The following TCF20 variants were observed in gnomAD, a reference collection of about 807,000 sequenced individuals.
The protein encoded by TCF20 is transcription factor 20.
A neutral mutation model predicts 148.6 loss-of-function variants in TCF20; 3 were observed. The ratio of observed to expected loss-of-function variants is 0.02; its 90% CI spans 0.01 to 0.05. The LOEUF (loss-of-function observed/expected upper bound fraction) is 0.05, where lower values mean the gene tolerates loss of function less well. TCF20 is among the 10% of genes least tolerant of loss of function. The pLI is 1.00. For missense variants in TCF20, 2,350 were observed against 2,429.3 expected, an observed-to-expected ratio of 0.97 and a Z score of 0.69; for synonymous variants, 1,049 against 909.5, an observed-to-expected ratio of 1.15 and a Z score of -2.76.
chr22:42,162,862 A>C (rs1220424683), intron 5 of TCF20, among the ~76,000 whole-genome samples: 4 of 152,208 alleles, frequency 2.6e-5, no homozygotes, highest in African/African-American at 9.6e-5. Flanking sequence ...CTCTTGCCCA[A>C]GGAGGTTCCT....
chr22:42,186,877 A>G, intron 2 of TCF20, among the ~76,000 whole-genome samples: 1 of 152,248 alleles, frequency 6.6e-6, no homozygotes, highest in East Asian at 1.9e-4. Flanking sequence ...ACTGCATACA[A>G]ATTAAATTCT....
rs766825008 is a variant in TCF20, at chr22:42,211,997, ACCG to A, written c.3306_3308del (p.Gly1103del). ...CTGCAGCAATTACTCCCTGAGCAGA[ACCG>A]CTGCTCCAGTCTTTATACTCCTCTG... On this transcript the variant is annotated inframe_deletion, in exon 2 of 6. Transcript: ENST00000677622. The A allele has an allele frequency of 1.8e-5, 29 of 1,613,994 alleles. No individual in the cohort carries two copies. In the Middle Eastern group the frequency reaches 4.9e-4, roughly 27 times the overall value.
chr22:42,283,322 A>AC (rs1347225639), intron 1 of TCF20, among the ~76,000 whole-genome samples: 3 of 140,576 alleles, frequency 2.1e-5, no homozygotes, highest in Non-Finnish European at 4.7e-5. Flanking sequence ...GCCAGCCCCA[A>AC]CCCCCCGCCG....
chr22:42,210,710 T>C lies in TCF20; in HGVS notation c.4596A>G (p.Gly1532=), dbSNP rs1490343589. The C allele has an allele frequency of 6.2e-7, 1 of 1,614,234 alleles. No individual in the cohort carries two copies. Residue 1532 remains glycine, a synonymous_variant, in exon 2 of 6, where the codon GGA becomes GGG. Coordinates refer to ENST00000677622, the MANE Select transcript of TCF20 (RefSeq NM_001378418.1). This position sits in a 1 kb window ranked among gnomAD's most constrained non-coding sequence, Gnocchi z 4.7. ...SPKQEGFPPK[G]YFPSGKKKGR... Reference sequence around the variant, plus strand: ...CCTTCTTCTTTCCTGATGGGAAATATCCCTTTGGAGGGAAACCCTCTTGCT... The same window carrying C: ...CCTTCTTCTTTCCTGATGGGAAATACCCCTTTGGAGGGAAACCCTCTTGCT...
At chr22:42,236,931 C>T (rs1338428857) in intron 1 of TCF20, among the ~76,000 whole-genome samples, 1 of 152,150 alleles carries the variant, frequency 6.6e-6, no homozygotes, top group Non-Finnish European at 1.5e-5. Context: ...TAACAATCAT[C>T]TGAGCCTTCA....
intron 2 of TCF20, among the ~76,000 whole-genome samples, chr22:42,189,875 C>A (rs1937242366): frequency 6.6e-6 from 1 of 152,268 alleles, no homozygotes; most frequent in South Asian, 2.1e-4. Flanking sequence ...CAAATTTAGG[C>A]AGTCTAAAAA....
chr22:42,312,280 C>T (rs1221770086), intron 1 of TCF20, among the ~76,000 whole-genome samples: 1 of 152,142 alleles, frequency 6.6e-6, no homozygotes, highest in Non-Finnish European at 1.5e-5. Context: ...GTCAGCGGGC[C>T]ACCTGCCTGG....
chr22:42,312,132 C>G (rs1044406837), intron 1 of TCF20, among the ~76,000 whole-genome samples: 1 of 152,164 alleles, frequency 6.6e-6, no homozygotes, highest in African/African-American at 2.4e-5. Flanking sequence ...CAACATTACA[C>G]CAGGTGCAGG....
chr22:42,210,548 T>A lies in TCF20; in HGVS notation c.4758A>T (p.Arg1586Ser). The change falls in exon 2 of 6, where the codon AGA becomes AGT. Residue 1586 changes from arginine (R) to serine (S), a missense_variant. By Grantham distance (110) the Arg-to-Ser change is moderately radical. Around this residue, in one of 7 missense-constraint regions of TCF20, gnomAD observed 374 missense variants for 398.3 expected, o/e 0.94. Transcript: ENST00000677622. The surrounding 1 kb of genome is among the most constrained non-coding windows in gnomAD (Gnocchi z 4.7). ...TCCTCGGCTGGGCCCCAGGCTTCCT[T>A]CTCTCCCTCCTTTGCCTCTGTTTTT... ...KPKKQRQRRE[R>S]RKPGAQPRKR... The A allele has an allele frequency of 6.2e-7, 1 of 1,614,174 alleles. No individual in the cohort carries two copies. The highest frequency in any genetic ancestry group is 8.5e-7 in the Non-Finnish European group (1 of 1,180,038).
chr22:42,168,521 G>A (rs1332216789), intron 5 of TCF20, 88 bp downstream of exon 5: 1 of 1,495,114 alleles, frequency 6.7e-7, no homozygotes. Flanking sequence ...AATGCTGGTG[G>A]CAGAGCATAG....
chr22:42,210,344 T>G lies in TCF20; in HGVS notation c.4962A>C (p.Glu1654Asp). 1 of 1,614,220 alleles carries G rather than the reference T, an allele frequency of 6.2e-7. No individual in the cohort carries two copies. Among genetic ancestry groups the G allele is most frequent in the South Asian group, 1.1e-5 (1 of 91,090 alleles). ...GAVCTIINAE[E>D]EEQTKLVRGR... Reference sequence around the variant, plus strand: ...CCCTCACTAATTTGGTCTGTTCTTCTTCCTCAGCATTGATGATTGTACAAA... The same window carrying G: ...CCCTCACTAATTTGGTCTGTTCTTCGTCCTCAGCATTGATGATTGTACAAA... The change falls in exon 2 of 6, where the codon GAA (glutamate) becomes GAC (aspartate). Residue 1654 changes from glutamate to aspartate, a missense_variant. Physicochemically the swap from Glu to Asp is conservative, Grantham distance 45. Transcript: ENST00000677622. This position sits in a 1 kb window ranked among gnomAD's most constrained non-coding sequence, Gnocchi z 4.7.
chr22:42,242,087 C>T (rs1432594132), intron 1 of TCF20, among the ~76,000 whole-genome samples: 2 of 150,930 alleles, frequency 1.3e-5, no homozygotes, highest in Admixed American at 6.6e-5. Context: ...CTGTAAGTCC[C>T]AGCTACTCGG....
chr22:42,243,670 T>G (rs1924665289), intron 1 of TCF20, among the ~76,000 whole-genome samples: 1 of 152,090 alleles, frequency 6.6e-6, no homozygotes, highest in Non-Finnish European at 1.5e-5. Flanking sequence ...ATACTGTATA[T>G]CAAGTGTAGC....
chr22:42,223,389 G>A (rs1017014767), intron 1 of TCF20, among the ~76,000 whole-genome samples: 6 of 152,114 alleles, frequency 3.9e-5, no homozygotes, highest in African/African-American at 1.2e-4. Flanking sequence ...ATTAGGCAAG[G>A]AAGATCCAAA....
chr22:42,183,576 TAA>T (rs1936886860), intron 2 of TCF20, among the ~76,000 whole-genome samples: 1 of 152,160 alleles, frequency 6.6e-6, no homozygotes, highest in African/African-American at 2.4e-5. Flanking sequence ...TGTTCTCCCC[TAA>T]GACTCTGGAC....
intron 1 of TCF20, among the ~76,000 whole-genome samples, chr22:42,269,165 G>A (rs1926453137): frequency 6.6e-6 from 1 of 152,130 alleles, no homozygotes; most frequent in African/African-American, 2.4e-5. Flanking sequence ...GGAAGATGCT[G>A]TATAAAACTC....
chr22:42,201,302 A>G (rs58669883), intron 2 of TCF20, among the ~76,000 whole-genome samples: 475 of 152,296 alleles, frequency 3.1e-3, no homozygotes, highest in African/African-American at 0.011. Flanking sequence ...ACGGACTAAT[A>G]CAAGCCCTCT....
At chr22:42,318,495 A>G (rs1188760578) in intron 1 of TCF20, among the ~76,000 whole-genome samples, 1 of 152,174 alleles carries the variant, frequency 6.6e-6, no homozygotes, top group Non-Finnish European at 1.5e-5. Flanking sequence ...GGGGGATGGC[A>G]GGGAGGAGAG....
At chr22:42,179,513 A>T (rs1330606297) in intron 3 of TCF20, 96 bp downstream of exon 3, 1 of 770,282 alleles carries the variant, frequency 1.3e-6, no homozygotes, top group Non-Finnish European at 2.0e-6. Context: ...AAAAAAAAAG[A>T]AAAGAAAAGA....
Sources: allele counts gnomAD v4.1 joint callset (sites outside exome capture counted in the v4.1 genomes callset), GRCh38; gene constraint gnomAD v4.1.1; regional missense constraint gnomAD v4.1.1; non-coding constraint Gnocchi (gnomAD v3.1); transcripts MANE v1.5; gene names NCBI Gene and HGNC (gene_info 2026-07-23, HGNC 2026-07-21).